The following TRAK1 variants were observed in gnomAD, a reference collection of about 807,000 sequenced individuals.
TRAK1 encodes trafficking kinesin protein 1.
TRAK1 carries 33 observed loss-of-function variants against 92.1 expected under a neutral mutation model. The ratio of observed to expected loss-of-function variants is 0.36; its 90% CI spans 0.27 to 0.48. The LOEUF is 0.48. Ranked by LOEUF, TRAK1 falls within the 20% of genes least tolerant of loss-of-function variation. The probability of loss-of-function intolerance (pLI) is 0.99; values close to 1 mark genes in which losing one functional copy is unlikely to be tolerated. For missense variants in TRAK1, 1,123 were observed against 1,257.9 expected (o/e 0.89, Z 1.62); for synonymous variants, 521 against 517.3 (o/e 1.01, Z -0.10).
At chr3:42,218,509 C>A (rs1709969758) in intron 14 of TRAK1, 1 of 844,152 alleles carries the variant, frequency 1.2e-6, no homozygotes, top group African/African-American at 1.9e-5. Flanking sequence ...CGGGCAGCAT[C>A]TTTTTTTTTT....
intron 13 of TRAK1, among the ~76,000 whole-genome samples, chr3:42,206,410 C>T (rs539209525): frequency 1.3e-5 from 2 of 152,244 alleles, no homozygotes; most frequent in South Asian, 2.1e-4. Context: ...GACTAGGTTT[C>T]GGAGGCTCTC....
At chr3:42,211,937 A>C (rs1166653147) in intron 14 of TRAK1, 1 of 985,330 alleles carries the variant, frequency 1.0e-6, no homozygotes, top group African/African-American at 1.7e-5. Flanking sequence ...CTAGGTTGCC[A>C]AAGGTAATTT....
chr3:42,080,149 G>A (rs1704362527), intron 1 of TRAK1, among the ~76,000 whole-genome samples: 1 of 152,162 alleles, frequency 6.6e-6, no homozygotes, highest in African/African-American at 2.4e-5. Context: ...AATGACATCG[G>A]TTGAGGGTAG....
At chr3:42,018,120 TAGTC>T (rs1191840089) in intron 1 of TRAK1, among the ~76,000 whole-genome samples, 5 of 147,860 alleles carry the variant, frequency 3.4e-5, no homozygotes, top group African/African-American at 1.2e-4. Flanking sequence ...AAAGAAAAAT[TAGTC>T]AGGTGTGGTG....
At chr3:42,064,915 T>C (rs965503310) in intron 1 of TRAK1, among the ~76,000 whole-genome samples, 4 of 152,090 alleles carry the variant, frequency 2.6e-5, no homozygotes, top group African/African-American at 9.7e-5. Context: ...TAGCCAGGCA[T>C]GGTAGCAGGT....
chr3:42,066,858 C>T (rs966713852), intron 1 of TRAK1, among the ~76,000 whole-genome samples: 1 of 152,036 alleles, frequency 6.6e-6, no homozygotes, highest in African/African-American at 2.4e-5. Context: ...TAATGGGGTG[C>T]CTTTTTCAGG....
rs1419625699 is a variant in TRAK1 at position 42,156,251 on chromosome 3, ATC to A, written c.287-20559_287-20558del. Among the ~76,000 whole-genome samples, 3 of 152,216 alleles carry A rather than the reference ATC, an allele frequency of 2.0e-5. No homozygotes were observed. In the East Asian group the frequency reaches 5.8e-4, roughly 29 times the overall value. On this transcript the variant is annotated intron_variant, in intron 2 of 15. Transcript: ENST00000327628. ...TCTCAGGGAAGATGCCCTTTGGCCC[ATC>A]TCTGCCTTTAACCGTGAAGTGAAGG...
chr3:42,160,557 TG>T, intron 2 of TRAK1: 12 of 1,339,560 alleles, frequency 9.0e-6, no homozygotes, highest in South Asian at 1.5e-5. Flanking sequence ...TTCATAGCAC[TG>T]TTTTGTTTTT....
chr3:42,081,786 T>C (rs1704450461), intron 1 of TRAK1, among the ~76,000 whole-genome samples: 1 of 152,228 alleles, frequency 6.6e-6, no homozygotes, highest in Non-Finnish European at 1.5e-5. Flanking sequence ...GAGAATCTAA[T>C]TTGTACTAGA....
chr3:42,141,150 T>C (rs1423853448), intron 2 of TRAK1, among the ~76,000 whole-genome samples: 1 of 152,212 alleles, frequency 6.6e-6, no homozygotes, highest in Non-Finnish European at 1.5e-5. Context: ...TAATATATTA[T>C]ATAAATTGAA....
intron 1 of TRAK1, among the ~76,000 whole-genome samples, chr3:42,028,700 C>T (rs1002914360): frequency 3.9e-4 from 60 of 152,090 alleles, no homozygotes; most frequent in African/African-American, 1.4e-3. Flanking sequence ...GGATAGTGGA[C>T]GTGGATGAAG....
rs1255750915 is a variant in TRAK1, at chr3:42,060,926, C to T, written c.-518-26178C>T. On this transcript the variant is annotated intron_variant, in intron 1 of 16. Coordinates refer to the TRAK1 transcript ENST00000487159. ...GATTACAGGCATGAGCCACCGCGCC[C>T]GGCCTTTTTTGTTGTTGTTGTTTGT... is the stretch of plus-strand genomic sequence containing the variant. Among the ~76,000 whole-genome samples, 9 of 152,108 alleles carry T rather than the reference C, an allele frequency of 5.9e-5. No homozygotes were observed. The South Asian group carries it at 1.5e-3, about 25-fold the overall frequency.
chr3:42,099,231 C>T (rs989607274), intron 1 of TRAK1, among the ~76,000 whole-genome samples: 29 of 151,916 alleles, frequency 1.9e-4, no homozygotes, highest in Admixed American at 1.6e-3. Context: ...AGAGGACGGC[C>T]GCCAACCTCT....
At chr3:42,188,269 T>A (rs1576886813) in intron 5 of TRAK1, 124 bp downstream of exon 5, 1 of 839,904 alleles carries the variant, frequency 1.2e-6, no homozygotes, top group East Asian at 2.5e-5. Flanking sequence ...CTCAGCCTTC[T>A]CTGGACCAAA....
intron 12 of TRAK1, 129 bp downstream of exon 12, chr3:42,201,183 G>T (rs1707495462): frequency 9.7e-7 from 1 of 1,029,556 alleles, no homozygotes; most frequent in Non-Finnish European, 1.4e-6. Context: ...ACCTGGCCGG[G>T]CGTGGTGGCT....
chr3:42,037,044 T>C (rs1702353102), intron 1 of TRAK1, among the ~76,000 whole-genome samples: 1 of 152,228 alleles, frequency 6.6e-6, no homozygotes. Context: ...CCCATGCTGA[T>C]CTCATACTCT....
At chr3:42,159,582 C>T (rs1194911136) in intron 2 of TRAK1, among the ~76,000 whole-genome samples, 1 of 152,058 alleles carries the variant, frequency 6.6e-6, no homozygotes, top group African/African-American at 2.4e-5. Flanking sequence ...TTAGAGAGAT[C>T]TTTATAAATT....
At chr3:42,144,096 C>G (rs1282864828) in intron 2 of TRAK1, among the ~76,000 whole-genome samples, 1 of 152,102 alleles carries the variant, frequency 6.6e-6, no homozygotes, top group Non-Finnish European at 1.5e-5. Context: ...AATGGTGCCT[C>G]GCTCCCTACC....
chr3:42,125,583 C>T lies in TRAK1; in HGVS notation c.255C>T (p.Thr85=), dbSNP rs144787494. ...CAGATGCCAACATTGACCTCACAAC[C>T]GAGCAAATTGAAGAGACGTTAAAAT... The part of the protein sequence containing the change: ...ISPDANIDLT[T]EQIEETLKYF... Residue 85 remains threonine, a synonymous_variant, in exon 2 of 16, where the codon ACC becomes ACT. Coordinates refer to ENST00000327628, the MANE Select transcript of TRAK1 (RefSeq NM_001042646.3). The T allele has an allele frequency of 1.2e-4, 194 of 1,614,184 alleles. No individual in the cohort carries two copies. Among genetic ancestry groups the T allele is most frequent in the African/African-American group, 1.7e-4 (13 of 75,064 alleles).
Sources: allele counts gnomAD v4.1 joint callset (sites outside exome capture counted in the v4.1 genomes callset), GRCh38; gene constraint gnomAD v4.1.1; transcripts MANE v1.5; gene names NCBI Gene and HGNC (gene_info 2026-07-23, HGNC 2026-07-21).